The following UBE2E3 variants were observed in gnomAD, a reference collection of about 807,000 sequenced individuals.
The protein encoded by UBE2E3 is ubiquitin conjugating enzyme E2 E3, also known as ubiquitin-conjugating enzyme E2 E3.
Under a neutral mutation model 23.6 loss-of-function variants are expected in UBE2E3, and 5 were observed. The observed-to-expected ratio is 0.21, with a 90% CI of 0.11 to 0.44. The LOEUF is 0.44. Ranked by LOEUF, UBE2E3 falls within the 20% of genes least tolerant of loss-of-function variation. The probability of loss-of-function intolerance (pLI) is 0.99; values close to 1 mark genes in which losing one functional copy is unlikely to be tolerated. For missense variants in UBE2E3, 81 were observed against 249.8 expected (o/e 0.32, Z 4.55); for synonymous variants, 78 against 87.5 (o/e 0.89, Z 0.60).
intron 3 of UBE2E3, among the ~76,000 whole-genome samples, chr2:181,025,056 A>G (rs1271458938): frequency 1.3e-5 from 2 of 152,010 alleles, no homozygotes; most frequent in Non-Finnish European, 2.9e-5. Flanking sequence ...ATGTGGCTTT[A>G]GTTAGCCACA....
rs1238433656 is a variant in UBE2E3, at chr2:180,980,693, C to A, written c.-306C>A. 2 of 148,534 alleles carry A rather than the reference C, an allele frequency of 1.3e-5. No homozygotes were observed. The highest frequency in any genetic ancestry group is 4.0e-4 in the East Asian group (2 of 4,942). 9.2% of individuals were successfully genotyped at this position (148,534 alleles called of 1,614,324 possible). ...GCGCGGGGGTCTCCCGCGTCCCCTC[C>A]GCCTCGCCGGGAGCTCGCGCCCTCG... is the stretch of plus-strand genomic sequence containing the variant. On this transcript the variant is annotated 5_prime_UTR_variant, in exon 1 of 6. Transcript: ENST00000410062. This position sits in a 1 kb window ranked among gnomAD's most constrained non-coding sequence, Gnocchi z 5.5.
At chr2:180,987,363 A>G (rs761926213) in intron 3 of UBE2E3, 11 of 1,549,958 alleles carry the variant, frequency 7.1e-6, no homozygotes, top group African/African-American at 2.7e-5. Flanking sequence ...TCTCCTAGTC[A>G]CCACTTGTGC....
intron 5 of UBE2E3, 22 bp downstream of exon 5, chr2:181,060,834 T>G: frequency 1.5e-6 from 2 of 1,327,212 alleles, no homozygotes; most frequent in Non-Finnish European, 2.1e-6. Flanking sequence ...TTTATTAACA[T>G]GTACAATAAG....
At chr2:181,051,572 C>G (rs1686845787) in intron 3 of UBE2E3, among the ~76,000 whole-genome samples, 1 of 151,790 alleles carries the variant, frequency 6.6e-6, no homozygotes, top group African/African-American at 2.4e-5. Flanking sequence ...CCCCATTACT[C>G]ATACTGAGAT....
Position 181,004,007 on chromosome 2 carries a change from G to T in UBE2E3, c.245+19914G>T, listed in dbSNP as rs1465741286. ...GATTCAGTTTTAGGTCTGTCTGACT[G>T]AAGGTCATGCTCTTCATCACACTGC... On this transcript the variant is annotated intron_variant, in intron 3 of 5. Transcript: ENST00000410062. 2.0e-5 allele frequency among the ~76,000 whole-genome samples: 3 copies of T among 152,226 alleles called. No individual in the cohort carries two copies. In the East Asian group the frequency reaches 5.8e-4, roughly 29 times the overall value.
chr2:181,030,459 C>A (rs536351344), intron 3 of UBE2E3, among the ~76,000 whole-genome samples: 2 of 152,076 alleles, frequency 1.3e-5, no homozygotes, highest in Admixed American at 1.3e-4. Flanking sequence ...TATCTTTTTT[C>A]AATATGAACA....
At chr2:181,031,385 C>G (rs576283820) in intron 3 of UBE2E3, among the ~76,000 whole-genome samples, 1 of 152,170 alleles carries the variant, frequency 6.6e-6, no homozygotes, top group East Asian at 1.9e-4. Context: ...GCTGTATAAT[C>G]TTTGCTGTAT....
chr2:181,043,443 G>T (rs1287128242), intron 3 of UBE2E3, among the ~76,000 whole-genome samples: 1 of 152,044 alleles, frequency 6.6e-6, no homozygotes, highest in East Asian at 1.9e-4. Context: ...TTACTTTCAG[G>T]CTTAGTGTAT....
At chr2:180,982,377 C>T in intron 2 of UBE2E3, 141 bp downstream of exon 2, 1 of 786,494 alleles carries the variant, frequency 1.3e-6, no homozygotes, top group South Asian at 1.8e-5. Flanking sequence ...AATGAGTTGT[C>T]ATTCTTTAGG....
At chr2:180,991,724 T>A (rs1043021284) in intron 3 of UBE2E3, among the ~76,000 whole-genome samples, 3 of 152,212 alleles carry the variant, frequency 2.0e-5, no homozygotes, top group Non-Finnish European at 2.9e-5. Flanking sequence ...AGAGTTCTGC[T>A]GCTGCTGCTG....
chr2:181,007,089 C>T (rs1685172446), intron 3 of UBE2E3, among the ~76,000 whole-genome samples: 1 of 152,156 alleles, frequency 6.6e-6, no homozygotes, highest in African/African-American at 2.4e-5. Context: ...AAAGTTCTTC[C>T]ACCTCCTTTG....
intron 3 of UBE2E3, among the ~76,000 whole-genome samples, chr2:181,008,500 T>C (rs755062330): frequency 1.3e-5 from 2 of 152,252 alleles, no homozygotes; most frequent in African/African-American, 2.4e-5. Flanking sequence ...ATGCTTCGTA[T>C]GTGCATTTCT....
intron 3 of UBE2E3, among the ~76,000 whole-genome samples, chr2:181,037,617 TG>T (rs143743543): frequency 0.013 from 1,917 of 152,314 alleles, 35 homozygotes; most frequent in Middle Eastern, 0.034. Context: ...ACTGTGTTTG[TG>T]TTTTAAGCTC....
At chr2:181,028,382 G>A (rs1026835892) in intron 3 of UBE2E3, among the ~76,000 whole-genome samples, 1 of 152,004 alleles carries the variant, frequency 6.6e-6, no homozygotes, top group African/African-American at 2.4e-5. Context: ...TACTGAACAT[G>A]TGTTCTAGTA....
At chr2:180,984,930 A>G (rs369989942) in intron 3 of UBE2E3, among the ~76,000 whole-genome samples, 23 of 151,976 alleles carry the variant, frequency 1.5e-4, no homozygotes, top group African/African-American at 5.6e-4. Flanking sequence ...TTGTGAAGAG[A>G]TATGTGCTCA....
At chr2:181,021,559 CCTT>C (rs1685680620) in intron 3 of UBE2E3, among the ~76,000 whole-genome samples, 1 of 99,002 alleles carries the variant, frequency 1.0e-5, no homozygotes, top group African/African-American at 3.9e-5. Flanking sequence ...ATACTCCCTT[CCTT>C]CCTTCCTTCC....
intron 3 of UBE2E3, among the ~76,000 whole-genome samples, chr2:180,990,273 C>T (rs967267194): frequency 2.6e-5 from 4 of 152,156 alleles, no homozygotes; most frequent in Non-Finnish European, 5.9e-5. Context: ...AGGTAGACGT[C>T]AGTGGTACTG....
At chr2:181,057,234 T>C (rs909046486) in intron 3 of UBE2E3, among the ~76,000 whole-genome samples, 4 of 151,832 alleles carry the variant, frequency 2.6e-5, no homozygotes, top group Non-Finnish European at 5.9e-5. Flanking sequence ...CTTTAAAGAA[T>C]TGTATTAATG....
At chr2:181,050,776 C>T (rs1269446740) in intron 3 of UBE2E3, among the ~76,000 whole-genome samples, 1 of 151,808 alleles carries the variant, frequency 6.6e-6, no homozygotes, top group Non-Finnish European at 1.5e-5. Context: ...AACAGGATTA[C>T]TACTATTGAG....
Sources: allele counts gnomAD v4.1 joint callset (sites outside exome capture counted in the v4.1 genomes callset), GRCh38; gene constraint gnomAD v4.1.1; non-coding constraint Gnocchi (gnomAD v3.1); transcripts MANE v1.5; gene names NCBI Gene and HGNC (gene_info 2026-07-23, HGNC 2026-07-21).